PPRC1: variants seen among roughly 807,000 people sequenced by gnomAD.
PPRC1 encodes PPARG related coactivator 1.
Under a neutral mutation model 132.5 loss-of-function variants are expected in PPRC1, and 23 were observed. The ratio of observed to expected loss-of-function variants is 0.17; its 90% CI spans 0.12 to 0.25. The LOEUF is 0.25. Ranked by LOEUF, PPRC1 falls within the 10% of genes least tolerant of loss-of-function variation. The pLI, the probability that PPRC1 is intolerant of heterozygous loss-of-function variation, is 1.00. For synonymous variants in PPRC1, 872 were observed against 833.5 expected (o/e 1.05, Z -0.80); for missense variants, 2,006 against 2,089.1 (o/e 0.96, Z 0.78).
rs1033318207 is a variant in PPRC1 at position 102,133,052 on chromosome 10, G to C, written c.-17G>C. 2 of 1,240,588 alleles carry C rather than the reference G, an allele frequency of 1.6e-6. No homozygotes were observed. Among genetic ancestry groups the C allele is most frequent in the Non-Finnish European group, 2.0e-6 (2 of 987,908 alleles). The allele number at this position is 1,240,588 out of a possible 1,614,324, so 76.8% of individuals were successfully genotyped here. ...GGCGCCAGCGATCAGAGCAGCGCTG[G>C]GTGTTCAGGGGCCAAGATGGCGGCG... On this transcript the variant is annotated 5_prime_UTR_variant, in exon 1 of 14. Coordinates refer to ENST00000278070, the MANE Select transcript of PPRC1 (RefSeq NM_015062.5).
Position 102,139,688 on chromosome 10 carries a change from C to G in PPRC1, c.1180C>G (p.Leu394Val), listed in dbSNP as rs554002618. 3.2e-5 allele frequency: 51 copies of G among 1,614,094 alleles called. 1 individual carries two copies. In the South Asian group the frequency reaches 5.3e-4, roughly 17 times the overall value. ...SSALQLLMPT[L>V]ESETEAAVPK... ...TGCCTTGCAGCTGCTTATGCCTACACTGGAGTCAGAGACAGAGGCTGCTGT... is the reference window on the plus strand; with the variant it reads ...TGCCTTGCAGCTGCTTATGCCTACAGTGGAGTCAGAGACAGAGGCTGCTGT... The change falls in exon 5 of 14, where the codon CTG (leucine) becomes GTG (valine). Residue 394 changes from leucine to valine, a missense_variant. Around this residue, in one of 2 missense-constraint regions of PPRC1, gnomAD observed 1,914 missense variants for 1,917.2 expected, o/e 1.00. Transcript: ENST00000278070.
At chr10:102,120,426 T>A in the PPRC1 span, 3 of 980,268 alleles carry the variant, frequency 3.1e-6, no homozygotes, top group African/African-American at 5.3e-5. Flanking sequence ...CCCGCCGCCG[T>A]CGCCGAGCGC....
chr10:102,148,411 T>A lies in PPRC1; in HGVS notation c.4440T>A (p.Ser1480=). 1 of 1,612,580 alleles carries A rather than the reference T, an allele frequency of 6.2e-7. No homozygotes were observed. The highest frequency in any genetic ancestry group is 8.5e-7 in the Non-Finnish European group (1 of 1,178,828). ...CSSSGRSRRC[S]SSSSSSSSSS... ...CCTCTGGACGTTCTCGAAGATGCTC[T>A]TCCTCTTCTTCGTCATCATCTTCCT... is the stretch of plus-strand genomic sequence containing the variant. Residue 1480 remains serine (S), a synonymous_variant, in exon 10 of 14, where the codon TCT becomes TCA. Coordinates refer to ENST00000278070, the MANE Select transcript of PPRC1 (RefSeq NM_015062.5). This position sits in a 1 kb window ranked among gnomAD's most constrained non-coding sequence, Gnocchi z 4.2.
chr10:102,143,171 C>T, intron 6 of PPRC1, 73 bp downstream of exon 6: 1 of 1,431,492 alleles, frequency 7.0e-7, no homozygotes. Flanking sequence ...CCTGTAGTTG[C>T]TTAAACTAGG....
In PPRC1 at chr10:102,141,180, G is replaced by A; in HGVS notation, c.2672G>A (p.Ser891Asn). The A allele has an allele frequency of 6.2e-7, 1 of 1,613,818 alleles. No individual in the cohort carries two copies. The highest frequency in any genetic ancestry group is 1.1e-5 in the South Asian group (1 of 91,072). The part of the protein sequence containing the change: ...FPAGGLGMPP[S>N]LPPPPLQPPS... ...GCAGGTGGGCTTGGCATGCCCCCCA[G>A]TCTGCCCCCACCTCCCTTGCAGCCT... is the stretch of plus-strand genomic sequence containing the variant. Residue 891 changes from serine (S) to asparagine (N), a missense_variant, in exon 5 of 14, where the codon AGT becomes AAT. Coordinates refer to ENST00000278070, the MANE Select transcript of PPRC1 (RefSeq NM_015062.5).
In PPRC1 at chr10:102,133,236, G is replaced by A. The variant is rs2068587216; in HGVS notation, c.153+15G>A. The A allele has an allele frequency of 2.4e-6, 3 of 1,276,158 alleles. No individual in the cohort carries two copies. Among genetic ancestry groups the A allele is most frequent in the Non-Finnish European group, 2.0e-6 (2 of 1,004,878 alleles). The allele number at this position is 1,276,158 out of a possible 1,614,324, so 79.1% of individuals were successfully genotyped here. A position where few individuals can be genotyped will look rare whatever the true frequency, so the allele number is the denominator to read the frequency against. On this transcript the variant is annotated intron_variant, in intron 1 of 13. Transcript: ENST00000278070. ...GCGGCGAGCAGGTGAGAGGTTGGCT[G>A]GCGGCCCGCGACAGGCAGCAAAGCG... is the stretch of plus-strand genomic sequence containing the variant.
upstream of PPRC1, among the ~76,000 whole-genome samples, chr10:102,131,404 AAAG>A (rs1257013436): frequency 4.6e-5 from 7 of 151,646 alleles, no homozygotes; most frequent in East Asian, 1.4e-3. Context: ...AAAAAAAAAG[AAAG>A]AACATCTAAG....
chr10:102,139,013 C>T, intron 4 of PPRC1, 33 bp downstream of exon 4: 2 of 1,605,188 alleles, frequency 1.2e-6, no homozygotes, highest in Non-Finnish European at 1.7e-6. Context: ...CAGAAACTCC[C>T]AGGTGGGAGG....
chr10:102,145,217 A>G, intron 8 of PPRC1, 127 bp downstream of exon 8: 1 of 886,712 alleles, frequency 1.1e-6, no homozygotes, highest in South Asian at 1.8e-5. Context: ...TGAGATACTC[A>G]CAGTCTAGGG....
chr10:102,123,833 C>CTTTTT, the PPRC1 span, among the ~76,000 whole-genome samples: 59 of 68,282 alleles, frequency 8.6e-4, no homozygotes, highest in South Asian at 1.6e-3. Context: ...CACGCCCGGC[C>CTTTTT]TTTTTTTTTT....
chr10:102,147,117 G>T lies in PPRC1; in HGVS notation c.4125G>T (p.Leu1375Phe). The T allele has an allele frequency of 6.2e-7, 1 of 1,614,202 alleles. No homozygotes were observed. The highest frequency in any genetic ancestry group is 8.5e-7 in the Non-Finnish European group (1 of 1,180,036). Residue 1375 changes from leucine (L) to phenylalanine (F), a missense_variant, in exon 9 of 14, where the codon TTG becomes TTT. Physicochemically the swap from Leu to Phe is conservative, Grantham distance 22. Around this residue, in one of 2 missense-constraint regions of PPRC1, gnomAD observed 1,914 missense variants for 1,917.2 expected, o/e 1.00. Coordinates refer to ENST00000278070, the MANE Select transcript of PPRC1 (RefSeq NM_015062.5). ...PSAPCLAPSS[L>F]LSPEASPCRN... is the part of the protein sequence containing the mutation. ...CACCCTGCCTTGCCCCATCCAGCTT[G>T]CTGTCCCCTGAGGCCTCACCCTGCC...
At position 102,141,337 on chromosome 10, in the gene PPRC1, G is replaced by A; in HGVS notation, c.2829G>A (p.Val943=). 1 of 1,613,942 alleles carries A rather than the reference G, an allele frequency of 6.2e-7. No homozygotes were observed. Among genetic ancestry groups the A allele is most frequent in the Non-Finnish European group, 8.5e-7 (1 of 1,179,968 alleles). Reference sequence around the variant, plus strand: ...CTTGCCTGCCCCCCCCACCAACGGTGCCCCTAGTGTCTGGTACTCCTGGTG... The same window carrying A: ...CTTGCCTGCCCCCCCCACCAACGGTACCCCTAGTGTCTGGTACTCCTGGTG... ...GYPCLPPPPT[V]PLVSGTPGAY... The change falls in exon 5 of 14, where the codon GTG becomes GTA. Residue 943 remains valine, a synonymous_variant. Transcript: ENST00000278070.
At chr10:102,136,344 T>C (rs910444775) in intron 1 of PPRC1, among the ~76,000 whole-genome samples, 2 of 152,064 alleles carry the variant, frequency 1.3e-5, no homozygotes, top group African/African-American at 4.8e-5. Context: ...GGAAGACACC[T>C]GTTGCTTTTT....
intron 1 of PPRC1, among the ~76,000 whole-genome samples, chr10:102,136,245 G>A (rs551852238): frequency 1.2e-3 from 188 of 152,118 alleles, no homozygotes; most frequent in Non-Finnish European, 1.8e-3. Context: ...CTCCTAACGC[G>A]TCCTTAACCA....
Position 102,140,732 on chromosome 10 carries a change from A to G in PPRC1, c.2224A>G (p.Thr742Ala), listed in dbSNP as rs1173230744. The change falls in exon 5 of 14, where the codon ACA (threonine) becomes GCA (alanine). Residue 742 changes from threonine (T) to alanine (A), a missense_variant. Around this residue, in one of 2 missense-constraint regions of PPRC1, gnomAD observed 1,914 missense variants for 1,917.2 expected, o/e 1.00. Coordinates refer to ENST00000278070, the MANE Select transcript of PPRC1 (RefSeq NM_015062.5). ...SLKIESGTSA[T>A]THEARPRPLS... ...GAAAATTGAAAGTGGTACCAGTGCT[A>G]CAACCCATGAAGCCAGACCTCGGCC... 2.5e-6 allele frequency: 4 copies of G among 1,614,096 alleles called. No homozygotes were observed. The highest frequency in any genetic ancestry group is 1.1e-5 in the South Asian group (1 of 91,082).
rs762154549 is a variant in PPRC1, at chr10:102,141,371, G to A, written c.2863G>A (p.Val955Met). The A allele has an allele frequency of 2.7e-5, 43 of 1,613,760 alleles. No homozygotes were observed. In the Middle Eastern group the frequency reaches 4.9e-4, roughly 19 times the overall value. The change falls in exon 5 of 14, where the codon GTG (valine) becomes ATG (methionine). Residue 955 changes from valine to methionine, a missense_variant. This residue lies in a region of PPRC1 where 1,914 missense variants were observed against 1,917.2 expected (regional missense o/e 1.00). Coordinates refer to ENST00000278070, the MANE Select transcript of PPRC1 (RefSeq NM_015062.5). ...GTCTGGTACTCCTGGTGCCTATGCC[G>A]TGCCTCCCACTTGCAGTGTGCCTTG... Reference protein sequence around the residue: ...LVSGTPGAYAVPPTCSVPWAP... With the variant: ...LVSGTPGAYAMPPTCSVPWAP...
At chr10:102,145,139 A>G (rs753888670) in intron 8 of PPRC1, 49 bp downstream of exon 8, 1 of 1,511,694 alleles carries the variant, frequency 6.6e-7, no homozygotes, top group South Asian at 1.1e-5. Context: ...ATGCAGCAAC[A>G]CTTGCTGAGC....
chr10:102,147,009 A>T lies in PPRC1; in HGVS notation c.4017A>T (p.Pro1339=), dbSNP rs138929364. Reference sequence around the variant, plus strand: ...TCAAACCTGTCTTGTCCTTGGGCCCAGCTGCCCCTCCGCCCCCATGCATAG... The same window carrying T: ...TCAAACCTGTCTTGTCCTTGGGCCCTGCTGCCCCTCCGCCCCCATGCATAG... ...ITIKPVLSLG[P]AAPPPPCIAA... Residue 1339 remains proline (P), a synonymous_variant, in exon 9 of 14, where the codon CCA becomes CCT. Transcript: ENST00000278070. 1 of 1,614,126 alleles carries T rather than the reference A, an allele frequency of 6.2e-7. No individual in the cohort carries two copies.
At chr10:102,127,727 A>G in the PPRC1 span, among the ~76,000 whole-genome samples, 1 of 150,664 alleles carries the variant, frequency 6.6e-6, no homozygotes, top group Non-Finnish European at 1.5e-5. Context: ...TTTTTTTTGT[A>G]TTTTAGTAGA....
Sources: gnomAD v4.1 joint callset for allele counts (sites outside exome capture counted in the v4.1 genomes callset) on GRCh38, gnomAD v4.1.1 for gene constraint, gnomAD v4.1.1 regional missense constraint, Gnocchi (gnomAD v3.1) non-coding constraint, MANE v1.5 for transcripts, NCBI Gene and HGNC (gene_info 2026-07-23, HGNC 2026-07-21) for gene names.